Variants in ITGAD observed in about 807,000 individuals in gnomAD.
The protein encoded by ITGAD is integrin alpha-D.
Under a neutral mutation model 139.0 loss-of-function variants are expected in ITGAD, and 105 were observed. That is an observed-to-expected ratio of 0.76 (90% CI 0.65 to 0.89). ITGAD has a LOEUF of 0.89. Ranked by LOEUF, ITGAD falls within the 40% of genes least tolerant of loss-of-function variation. The probability of loss-of-function intolerance (pLI) is 0.00; values close to 1 mark genes in which losing one functional copy is unlikely to be tolerated. For synonymous variants in ITGAD, 569 were observed against 598.3 expected, an observed-to-expected ratio of 0.95 and a Z score of 0.71; for missense variants, 1,384 against 1,487.3, an observed-to-expected ratio of 0.93 and a Z score of 1.14.
At chr16:31,404,892 A>G (rs75720480) in intron 7 of ITGAD, among the ~76,000 whole-genome samples, 2,037 of 133,206 alleles carry the variant, frequency 0.015, 55 homozygotes, top group African/African-American at 0.055. Context: ...CCCTCACTTC[A>G]TTTCTTCTCT....
intron 10 of ITGAD, among the ~76,000 whole-genome samples, chr16:31,408,987 G>A (rs749847041): frequency 2.6e-5 from 4 of 152,142 alleles, no homozygotes; most frequent in Non-Finnish European, 4.4e-5. Context: ...TTGGAAGTGC[G>A]TGTGTGTTCA....
intron 20 of ITGAD, among the ~76,000 whole-genome samples, chr16:31,417,535 A>G (rs925906381): frequency 6.6e-6 from 1 of 151,758 alleles, no homozygotes; most frequent in African/African-American, 2.4e-5. Flanking sequence ...TAGGGATCCA[A>G]TTTCTTTTTC....
At chr16:31,401,051 G>A (rs997647481) in intron 5 of ITGAD, among the ~76,000 whole-genome samples, 5 of 152,122 alleles carry the variant, frequency 3.3e-5, no homozygotes, top group Non-Finnish European at 7.3e-5. Context: ...TAGAGCCCAG[G>A]AGGTTGAGAC....
rs775235496 is a variant in ITGAD at position 31,407,525 on chromosome 16, T to C, written c.715T>C (p.Phe239Leu). ...TTTCCTCCCCGACAGGACACAGCTATTTCATCATAAGAATGGGGCCCGAAA... is the reference window on the plus strand; with the variant it reads ...TTTCCTCCCCGACAGGACACAGCTACTTCATCATAAGAATGGGGCCCGAAA... ...TGILTVVTQL[F>L]HHKNGARKSA... The change falls in exon 8 of 30, where the codon TTT (phenylalanine) becomes CTT (leucine). Residue 239 changes from phenylalanine to leucine, a missense_variant. Transcript: ENST00000389202. 6 of 1,593,418 alleles carry C rather than the reference T, an allele frequency of 3.8e-6. No homozygotes were observed. The highest frequency in any genetic ancestry group is 5.1e-6 in the Non-Finnish European group (6 of 1,168,672).
intron 21 of ITGAD, 47 bp downstream of exon 21, chr16:31,418,238 A>T (rs764959805): frequency 1.2e-6 from 2 of 1,605,546 alleles, no homozygotes; most frequent in Admixed American, 3.3e-5. Context: ...CCTTGTCCCA[A>T]TCTGTCCCTC....
In ITGAD at chr16:31,397,896, C is replaced by T. The variant is rs745333401; in HGVS notation, c.414C>T (p.Pro138=). Residue 138 remains proline (P), a synonymous_variant, in exon 5 of 30, where the codon CCC becomes CCT. Coordinates refer to ENST00000389202, the MANE Select transcript of ITGAD (RefSeq NM_005353.3). ...GCTGGGAGATCATCCAGACAGTCCCCGACGCCACGCCAGGTAGGTCCCTGG... is the reference window on the plus strand; with the variant it reads ...GCTGGGAGATCATCCAGACAGTCCCTGACGCCACGCCAGGTAGGTCCCTGG... ...GSRWEIIQTV[P]DATPECPHQE... 4.7e-5 allele frequency: 76 copies of T among 1,611,788 alleles called. No homozygotes were observed. Among genetic ancestry groups the T allele is most frequent in the African/African-American group, 3.6e-4 (27 of 74,882 alleles).
intron 24 of ITGAD, 60 bp downstream of exon 24, chr16:31,423,252 GT>G: frequency 1.3e-6 from 2 of 1,594,906 alleles, no homozygotes; most frequent in Non-Finnish European, 1.7e-6. Context: ...TTGGAAGTTG[GT>G]GGAGAAGATG....
At chr16:31,408,785 T>A (rs1421355061) in intron 10 of ITGAD, among the ~76,000 whole-genome samples, 1 of 151,958 alleles carries the variant, frequency 6.6e-6, no homozygotes, top group East Asian at 1.9e-4. Context: ...GCCTCAGTAA[T>A]GGAAAAGGCC....
Position 31,397,672 on chromosome 16 carries a change from T to C in ITGAD, c.312+6T>C, listed in dbSNP as rs778900238. On this transcript the variant is annotated splice_donor_region_variant and intron_variant, in intron 4 of 29. Coordinates refer to ENST00000389202, the MANE Select transcript of ITGAD (RefSeq NM_005353.3). The stretch of plus-strand genomic sequence containing the variant: ...CCAACGGCTCCCGGCTCCTGGTGAG[T>C]GAGTGTCTTGGGCCACGGGGGGGTG... 1 of 1,151,530 alleles carries C rather than the reference T, an allele frequency of 8.7e-7. No individual in the cohort carries two copies. The highest frequency in any genetic ancestry group is 1.2e-6 in the Non-Finnish European group (1 of 865,846). 71.3% of individuals were successfully genotyped at this position (1,151,530 alleles called of 1,614,324 possible).
chr16:31,423,517 C>A, intron 25 of ITGAD, 54 bp from the exon 26 acceptor site: 1 of 1,598,156 alleles, frequency 6.3e-7, no homozygotes, highest in Non-Finnish European at 8.6e-7. Flanking sequence ...AGCACTCCCT[C>A]TTACCAGGGA....
intron 23 of ITGAD, among the ~76,000 whole-genome samples, chr16:31,418,965 A>G (rs2081954345): frequency 1.4e-5 from 2 of 148,058 alleles, no homozygotes; most frequent in Non-Finnish European, 3.0e-5. Context: ...CGGAGGTTGC[A>G]GTGAGCCGAG....
chr16:31,416,763 TCACA>T, intron 20 of ITGAD, 117 bp downstream of exon 20: 4 of 683,196 alleles, frequency 5.9e-6, no homozygotes, highest in Non-Finnish European at 8.9e-6. Context: ...TCTCTCTCTC[TCACA>T]CACACACACA....
intron 1 of ITGAD, among the ~76,000 whole-genome samples, chr16:31,393,904 G>T (rs969168297): frequency 1.8e-4 from 28 of 152,118 alleles, no homozygotes; most frequent in Admixed American, 2.0e-4. Flanking sequence ...GCCGAGATGG[G>T]CGTATCCCCT....
intron 5 of ITGAD, among the ~76,000 whole-genome samples, chr16:31,400,337 A>AT (rs146412769): frequency 0.018 from 2,631 of 149,684 alleles, 86 homozygotes; most frequent in African/African-American, 0.061. Flanking sequence ...AGGAAAAGGC[A>AT]TTTTTTTTTT....
intron 2 of ITGAD, among the ~76,000 whole-genome samples, chr16:31,395,489 T>C (rs1216980211): frequency 6.6e-6 from 1 of 152,030 alleles, no homozygotes; most frequent in Admixed American, 6.6e-5. Context: ...TGGCATGAGC[T>C]GGGTAAAGTC....
In ITGAD at chr16:31,413,936, C is replaced by T. The variant is rs534226733; in HGVS notation, c.1997-515C>T. ...TTAGAACCACAGGAGAGCCTCCCCT[C>T]GCACTGATCACGCTGCAACATCACG... On this transcript the variant is annotated intron_variant, in intron 16 of 29. Coordinates refer to ENST00000389202, the MANE Select transcript of ITGAD (RefSeq NM_005353.3). 7.9e-5 allele frequency among the ~76,000 whole-genome samples: 12 copies of T among 152,318 alleles called. No individual in the cohort carries two copies. In the South Asian group the frequency reaches 1.0e-3, roughly 13 times the overall value.
chr16:31,402,367 G>C (rs2081430313), intron 6 of ITGAD, 122 bp downstream of exon 6: 1 of 898,588 alleles, frequency 1.1e-6, no homozygotes, highest in African/African-American at 1.6e-5. Context: ...GGTGGAGAAT[G>C]AAGCTATGGT....
At chr16:31,405,809 T>A (rs2081525334) in intron 7 of ITGAD, among the ~76,000 whole-genome samples, 2 of 151,998 alleles carry the variant, frequency 1.3e-5, no homozygotes, top group Admixed American at 6.6e-5. Flanking sequence ...TGGCTAATTT[T>A]AAAAAACATT....
At position 31,410,727 on chromosome 16, in the gene ITGAD, G is replaced by A. The variant is rs1157539807; in HGVS notation, c.1214-9G>A. ...TGGGGGCCTTTGTGCTGAGGCCTGG[G>A]CCCCTCAGGTTACTCCACCGAGCTA... On this transcript the variant is annotated splice_polypyrimidine_tract_variant and intron_variant, in intron 11 of 29. Transcript: ENST00000389202. The A allele has an allele frequency of 6.2e-7, 1 of 1,608,774 alleles. No individual in the cohort carries two copies. The highest frequency in any genetic ancestry group is 1.1e-5 in the South Asian group (1 of 90,704).
Sources: gnomAD v4.1 joint callset for allele counts (sites outside exome capture counted in the v4.1 genomes callset) on GRCh38, gnomAD v4.1.1 for gene constraint, MANE v1.5 for transcripts, NCBI Gene and HGNC (gene_info 2026-07-23, HGNC 2026-07-21) for gene names.